PHEX: variants seen among roughly 807,000 people sequenced by gnomAD.
PHEX encodes phosphate-regulating neutral endopeptidase PHEX.
A neutral mutation model predicts 68.0 loss-of-function variants in PHEX; 16 were observed. The ratio of observed to expected loss-of-function variants is 0.24; its 90% CI spans 0.16 to 0.36. PHEX has a LOEUF of 0.36. Among genes scored for constraint, PHEX ranks in the 10% least tolerant of loss-of-function variants. PHEX has a pLI of 1.00. For missense variants in PHEX, 480 were observed against 575.5 expected, an observed-to-expected ratio of 0.83 and a Z score of 1.70; for synonymous variants, 208 against 205.1, an observed-to-expected ratio of 1.01 and a Z score of -0.12.
chrX:22,125,906 T>C (rs1470613450), intron 11 of PHEX, among the ~76,000 whole-genome samples: 1 of 111,458 alleles, frequency 9.0e-6, no homozygotes, highest in African/African-American at 3.3e-5. Flanking sequence ...TATGAGTGAG[T>C]TTGTTAATAT....
intron 11 of PHEX, among the ~76,000 whole-genome samples, chrX:22,119,203 A>G (rs978517977): frequency 1.3e-4 from 15 of 111,720 alleles, no homozygotes; most frequent in Admixed American, 1.3e-3. Flanking sequence ...TGACTTTTAT[A>G]TTAACATTTT....
intron 3 of PHEX, among the ~76,000 whole-genome samples, chrX:22,075,217 C>T (rs1007603670): frequency 9.3e-6 from 1 of 107,370 alleles, no homozygotes; most frequent in Non-Finnish European, 1.9e-5. Context: ...TGGAATCTAT[C>T]TAGTTATATG....
chrX:22,205,614 TAA>T (rs1460458949), intron 15 of PHEX, among the ~76,000 whole-genome samples: 1 of 108,406 alleles, frequency 9.2e-6, no homozygotes, highest in Non-Finnish European at 1.9e-5. Context: ...TCAGCATTTA[TAA>T]GTTATTAACA....
chrX:22,116,642 G>T (rs892303389), intron 11 of PHEX, among the ~76,000 whole-genome samples: 1 of 111,331 alleles, frequency 9.0e-6, no homozygotes, highest in Admixed American at 9.5e-5. Context: ...TATGTATTAT[G>T]CACTGAAGTT....
chrX:22,222,535 A>T (rs1388536392), intron 18 of PHEX, among the ~76,000 whole-genome samples: 1 of 111,878 alleles, frequency 8.9e-6, no homozygotes, highest in Admixed American at 9.5e-5. Flanking sequence ...CACTAGCACA[A>T]GGCCTGACAT....
intron 15 of PHEX, among the ~76,000 whole-genome samples, chrX:22,205,229 T>A (rs1030682102): frequency 3.6e-5 from 4 of 112,351 alleles, no homozygotes; most frequent in Admixed American, 2.8e-4. Context: ...TGAATTTTCC[T>A]TTGGAATTTT....
At position 22,245,367 on chromosome X, in the gene PHEX, G is replaced by T; in HGVS notation, c.2105G>T (p.Arg702Leu). Residue 702 changes from arginine (R) to leucine (L), a missense_variant, in exon 21 of 22, where the codon CGA (arginine) becomes CTA (leucine). Coordinates refer to ENST00000379374, the MANE Select transcript of PHEX (RefSeq NM_000444.6). ...RCNSYRPEAAREQVQIGAHSP... is the reference protein window; with the variant it reads ...RCNSYRPEAALEQVQIGAHSP... ...AATTCCTACAGACCAGAAGCTGCCCGAGAACAAGTCCAAATTGGTGCTCAC... is the reference window on the plus strand; with the variant it reads ...AATTCCTACAGACCAGAAGCTGCCCTAGAACAAGTCCAAATTGGTGCTCAC... 8.3e-7 allele frequency: 1 copy of T among 1,209,019 alleles called. No individual in the cohort carries two copies. The highest frequency in any genetic ancestry group is 1.1e-6 in the Non-Finnish European group (1 of 893,186).
At chrX:22,188,324 T>C (rs1484594706) in intron 14 of PHEX, among the ~76,000 whole-genome samples, 2 of 111,885 alleles carry the variant, frequency 1.8e-5, no homozygotes, top group Admixed American at 1.9e-4. Context: ...TGCCTCAGCC[T>C]CCCAAGTAGC....
At chrX:22,198,024 A>G (rs1934420815) in intron 15 of PHEX, among the ~76,000 whole-genome samples, 2 of 106,529 alleles carry the variant, frequency 1.9e-5, no homozygotes, top group East Asian at 2.8e-4. Context: ...AGTACATTTT[A>G]TAATCTAATA....
intron 18 of PHEX, among the ~76,000 whole-genome samples, chrX:22,224,753 A>C (rs1284077469): frequency 1.8e-5 from 2 of 109,672 alleles, no homozygotes; most frequent in African/African-American, 6.6e-5. Context: ...GAGGGTCCTG[A>C]GTGATTACAG....
chrX:22,054,190 A>C (rs1927968734), intron 3 of PHEX, among the ~76,000 whole-genome samples: 1 of 111,661 alleles, frequency 9.0e-6, no homozygotes, highest in African/African-American at 3.3e-5. Context: ...GCTGGAGTAC[A>C]GTGGCACCAT....
intron 3 of PHEX, among the ~76,000 whole-genome samples, chrX:22,050,263 A>C (rs887778591): frequency 8.9e-6 from 1 of 112,080 alleles, no homozygotes; most frequent in East Asian, 2.8e-4. Flanking sequence ...TGAATTTCTT[A>C]GATAGTTAAT....
At chrX:22,214,475 C>T (rs963162957) in intron 16 of PHEX, among the ~76,000 whole-genome samples, 6 of 112,294 alleles carry the variant, frequency 5.3e-5, no homozygotes. Flanking sequence ...ATTATTCCAC[C>T]TACCACATGT....
chrX:22,159,842 A>G (rs1933059895), intron 12 of PHEX, among the ~76,000 whole-genome samples: 1 of 112,089 alleles, frequency 8.9e-6, no homozygotes. Flanking sequence ...CCAACTCTCT[A>G]TTTTACTTTA....
intron 2 of PHEX, 103 bp downstream of exon 2, chrX:22,038,640 T>G: frequency 2.0e-5 from 12 of 603,957 alleles, no homozygotes; most frequent in Non-Finnish European, 2.9e-5. Flanking sequence ...GCTTGAGGTT[T>G]ACCAAGTACG....
intron 21 of PHEX, 110 bp from the exon 22 acceptor site, chrX:22,247,741 G>T: frequency 3.4e-6 from 2 of 591,836 alleles, no homozygotes; most frequent in South Asian, 2.4e-5. Context: ...CCTGTAAACA[G>T]ATTAAAAGAA....
intron 9 of PHEX, among the ~76,000 whole-genome samples, chrX:22,104,819 C>T (rs1036911366): frequency 2.7e-5 from 3 of 111,580 alleles, no homozygotes; most frequent in Admixed American, 9.5e-5. Context: ...TTTCCTCTTG[C>T]AGGCCAGGGC....
chrX:22,093,195 T>C (rs1929978915), intron 6 of PHEX, among the ~76,000 whole-genome samples: 1 of 112,132 alleles, frequency 8.9e-6, no homozygotes, highest in Non-Finnish European at 1.9e-5. Flanking sequence ...GTAAATCTTA[T>C]TCCCAATGCA....
chrX:22,206,637 C>T (rs186195107), intron 15 of PHEX, among the ~76,000 whole-genome samples: 223 of 111,026 alleles, frequency 2.0e-3, no homozygotes, highest in Middle Eastern at 9.3e-3. Flanking sequence ...ATGATCTTAG[C>T]CTACATACCT....
Sources: gnomAD v4.1 joint callset for allele counts (sites outside exome capture counted in the v4.1 genomes callset) on GRCh38, gnomAD v4.1.1 for gene constraint, MANE v1.5 for transcripts, NCBI Gene and HGNC (gene_info 2026-07-23, HGNC 2026-07-21) for gene names.